The following SGTB variants were observed in gnomAD, a reference collection of about 807,000 sequenced individuals.
The protein encoded by SGTB is small glutamine rich tetratricopeptide repeat co-chaperone beta, also known as small glutamine-rich tetratricopeptide repeat-containing protein beta.
In SGTB, 19 loss-of-function variants were observed where a neutral mutation model predicts 43.9. The ratio of observed to expected loss-of-function variants is 0.43; its 90% CI spans 0.30 to 0.63. The LOEUF is 0.63. Among genes scored for constraint, SGTB ranks in the 30% least tolerant of loss-of-function variants. SGTB has a pLI of 0.12. For synonymous variants in SGTB, 116 were observed against 117.3 expected, an observed-to-expected ratio of 0.99 and a Z score of 0.07; for missense variants, 304 against 358.9, an observed-to-expected ratio of 0.85 and a Z score of 1.24.
intron 4 of SGTB, among the ~76,000 whole-genome samples, chr5:65,706,602 T>C (rs1757937565): frequency 6.6e-6 from 1 of 152,070 alleles, no homozygotes; most frequent in Admixed American, 6.5e-5. Flanking sequence ...GAGGCCGAGG[T>C]GGGTGGATCA....
In SGTB at chr5:65,694,623, G is replaced by A. The variant is rs369963684; in HGVS notation, c.375-9151C>T. Among the ~76,000 whole-genome samples, 11 of 151,834 alleles carry A rather than the reference G, an allele frequency of 7.2e-5. No homozygotes were observed. In the South Asian group the frequency reaches 1.0e-3, roughly 14 times the overall value. On this transcript the variant is annotated intron_variant, in intron 5 of 10. Coordinates refer to ENST00000381007, the MANE Select transcript of SGTB (RefSeq NM_019072.3). Reference sequence around the variant, plus strand: ...CCAGAGTAGCTGGGAATACAGGTGCGCACCACCACACCCAGCTAATTTTTT... The same window carrying A: ...CCAGAGTAGCTGGGAATACAGGTGCACACCACCACACCCAGCTAATTTTTT...
intron 5 of SGTB, among the ~76,000 whole-genome samples, chr5:65,688,819 T>C (rs1757547450): frequency 1.3e-5 from 2 of 152,306 alleles, no homozygotes; most frequent in South Asian, 4.1e-4. Flanking sequence ...TTTTTAATTT[T>C]TCTTTTTTTA....
At chr5:65,685,800 A>G (rs1013145848) in intron 5 of SGTB, among the ~76,000 whole-genome samples, 2 of 152,234 alleles carry the variant, frequency 1.3e-5, no homozygotes, top group Non-Finnish European at 2.9e-5. Flanking sequence ...CATCTTGGCT[A>G]CTATGGAGGC....
chr5:65,712,639 G>A (rs561698691), intron 3 of SGTB, among the ~76,000 whole-genome samples: 2 of 151,770 alleles, frequency 1.3e-5, no homozygotes, highest in African/African-American at 2.4e-5. Context: ...TTCAGATGCT[G>A]GAAACCAAAA....
chr5:65,671,890 T>C (rs778969411), intron 10 of SGTB, 25 bp downstream of exon 10: 5 of 1,603,764 alleles, frequency 3.1e-6, no homozygotes, highest in East Asian at 2.2e-5. Flanking sequence ...ACATCTTCAC[T>C]ATTTCTGTTT....
chr5:65,707,386 CTGA>C (rs1163682883), intron 4 of SGTB, among the ~76,000 whole-genome samples: 8 of 145,620 alleles, frequency 5.5e-5, no homozygotes, highest in African/African-American at 2.1e-4. Context: ...TAGATACCAG[CTGA>C]TTTTATACAC....
intron 5 of SGTB, 108 bp from the exon 6 acceptor site, chr5:65,685,580 T>G (rs1676380899): frequency 1.3e-6 from 1 of 769,646 alleles, no homozygotes; most frequent in Non-Finnish European, 2.1e-6. Flanking sequence ...TGTAGATCAC[T>G]CCCACTAAAT....
In SGTB at chr5:65,680,507, G is replaced by C. The variant is rs757511348; in HGVS notation, c.668C>G (p.Ala223Gly). The change falls in exon 8 of 11, where the codon GCC (alanine) becomes GGC (glycine). Residue 223 changes from alanine (A) to glycine (G), a missense_variant. Coordinates refer to ENST00000381007, the MANE Select transcript of SGTB (RefSeq NM_019072.3). Reference protein sequence around the residue: ...FDMASLINNPAFISMAASLMQ... With the variant: ...FDMASLINNPGFISMAASLMQ... ...AAGTATACTCACCATACTAATGAAG[G>C]CTGGATTATTTATCAAGCTAGCCAT... is the stretch of plus-strand genomic sequence containing the variant. 1 of 1,613,982 alleles carries C rather than the reference G, an allele frequency of 6.2e-7. No individual in the cohort carries two copies. Among genetic ancestry groups the C allele is most frequent in the South Asian group, 1.1e-5 (1 of 91,078 alleles).
At chr5:65,682,110 T>C (rs774198543) in intron 6 of SGTB, among the ~76,000 whole-genome samples, 3 of 152,134 alleles carry the variant, frequency 2.0e-5, no homozygotes, top group East Asian at 3.9e-4. Flanking sequence ...AGTAGCCACA[T>C]TGGAAAGATC....
chr5:65,702,804 AAAC>A (rs1231477650), intron 5 of SGTB, among the ~76,000 whole-genome samples: 1 of 152,230 alleles, frequency 6.6e-6, no homozygotes, highest in Non-Finnish European at 1.5e-5. Context: ...ATTTAGGAAA[AAAC>A]AAATAAAAAT....
At chr5:65,687,438 C>A (rs923964054) in intron 5 of SGTB, among the ~76,000 whole-genome samples, 1 of 152,186 alleles carries the variant, frequency 6.6e-6, no homozygotes, top group Non-Finnish European at 1.5e-5. Flanking sequence ...TAGATACATA[C>A]GTACTCAGAA....
intron 2 of SGTB, among the ~76,000 whole-genome samples, chr5:65,716,072 C>T (rs1247930442): frequency 6.6e-6 from 1 of 152,192 alleles, no homozygotes; most frequent in Non-Finnish European, 1.5e-5. Flanking sequence ...ACCCGGCCCA[C>T]AGCTGCAGGT....
intron 5 of SGTB, among the ~76,000 whole-genome samples, chr5:65,693,276 G>A (rs1757649852): frequency 1.4e-5 from 2 of 147,788 alleles, no homozygotes; most frequent in South Asian, 4.3e-4. Flanking sequence ...AAGGAACGAA[G>A]GAGAGAGAGC....
intron 2 of SGTB, 106 bp downstream of exon 2, chr5:65,720,602 A>G (rs778319420): frequency 8.0e-6 from 11 of 1,370,054 alleles, no homozygotes; most frequent in Middle Eastern, 2.5e-4. Flanking sequence ...TGAAAGATCA[A>G]AAAAAATTCT....
chr5:65,685,818 G>A (rs1417366495), intron 5 of SGTB, among the ~76,000 whole-genome samples: 1 of 152,212 alleles, frequency 6.6e-6, no homozygotes, highest in East Asian at 1.9e-4. Context: ...GGCACAAAGA[G>A]TGAGTTATTG....
rs142342828 is a variant in SGTB, at chr5:65,696,196, C to T, written c.374+8083G>A. Among the ~76,000 whole-genome samples, 692 of 152,318 alleles carry T rather than the reference C, an allele frequency of 4.5e-3. 3 individuals carry two copies. The highest frequency in any genetic ancestry group is 0.015 in the African/African-American group (644 of 41,564). On this transcript the variant is annotated intron_variant, in intron 5 of 10. Coordinates refer to ENST00000381007, the MANE Select transcript of SGTB (RefSeq NM_019072.3). Reference sequence around the variant, plus strand: ...CTCTCCTCTGCCTATCCAAGTTCTACTGGTCCTTCAAATCCGACTCCAGTT... The same window carrying T: ...CTCTCCTCTGCCTATCCAAGTTCTATTGGTCCTTCAAATCCGACTCCAGTT...
intron 4 of SGTB, among the ~76,000 whole-genome samples, chr5:65,706,149 T>C (rs1246075245): frequency 6.6e-6 from 1 of 152,136 alleles, no homozygotes; most frequent in East Asian, 1.9e-4. Context: ...GACATATGAA[T>C]TATATCGCAA....
At chr5:65,721,007 G>C (rs1758262705) in intron 1 of SGTB, among the ~76,000 whole-genome samples, 178 bp from the exon 2 acceptor site, 1 of 152,172 alleles carries the variant, frequency 6.6e-6, no homozygotes, top group African/African-American at 2.4e-5. Context: ...AAAGTATTGT[G>C]AAGGTAATTT....
In SGTB at chr5:65,669,541, A is replaced by G. The variant is rs529397322; in HGVS notation, c.*705T>C. ...ATATTATCAATACCAAACTGCAGAC[A>G]AGATTAGTTAAGAACTATGCAGAAA... is the stretch of plus-strand genomic sequence containing the variant. On this transcript the variant is annotated 3_prime_UTR_variant, in exon 11 of 11. Coordinates refer to ENST00000381007, the MANE Select transcript of SGTB (RefSeq NM_019072.3). 2.0e-5 allele frequency: 3 copies of G among 152,340 alleles called. No individual in the cohort carries two copies. The South Asian group carries it at 6.2e-4, about 32-fold the overall frequency. The allele number at this position is 152,340 out of a possible 1,614,324, so 9.4% of individuals were successfully genotyped here.
Sources: allele counts gnomAD v4.1 joint callset (sites outside exome capture counted in the v4.1 genomes callset), GRCh38; gene constraint gnomAD v4.1.1; transcripts MANE v1.5; gene names NCBI Gene and HGNC (gene_info 2026-07-23, HGNC 2026-07-21).